Variants in DAB1 observed in about 807,000 individuals in gnomAD.
The protein encoded by DAB1 is disabled homolog 1.
In DAB1, 15 loss-of-function variants were observed where a neutral mutation model predicts 64.6. The ratio of observed to expected loss-of-function variants is 0.23; its 90% CI spans 0.16 to 0.36. The LOEUF (loss-of-function observed/expected upper bound fraction) is 0.36, where lower values mean the gene tolerates loss of function less well. Ranked by LOEUF, DAB1 falls within the 10% of genes least tolerant of loss-of-function variation. DAB1 has a pLI of 1.00. For missense variants in DAB1, 596 were observed against 706.7 expected, an observed-to-expected ratio of 0.84 and a Z score of 1.78; for synonymous variants, 235 against 251.9, an observed-to-expected ratio of 0.93 and a Z score of 0.64.
intron 2 of DAB1, among the ~76,000 whole-genome samples, chr1:57,216,804 G>A (rs1569927234): frequency 6.6e-6 from 1 of 152,238 alleles, no homozygotes; most frequent in East Asian, 1.9e-4. Context: ...ACAGAACTTG[G>A]AAGCAGCAAG....
chr1:58,325,647 T>C (rs1189608638), intron 4 of DAB1, among the ~76,000 whole-genome samples: 1 of 152,090 alleles, frequency 6.6e-6, no homozygotes, highest in Non-Finnish European at 1.5e-5. Context: ...ATAATAACAA[T>C]ATTATTACCA....
intron 4 of DAB1, among the ~76,000 whole-genome samples, chr1:57,130,114 A>C (rs1475533039): frequency 6.6e-6 from 1 of 151,818 alleles, no homozygotes; most frequent in Non-Finnish European, 1.5e-5. Flanking sequence ...GGATACAGCA[A>C]GCAGAAGATG....
intron 5 of DAB1, among the ~76,000 whole-genome samples, chr1:58,119,047 C>A (rs1307071748): frequency 6.6e-6 from 1 of 152,128 alleles, no homozygotes; most frequent in African/African-American, 2.4e-5. Flanking sequence ...ACCTTTTATA[C>A]ACTTGTGCAG....
At chr1:57,627,357 A>T (rs74077735) in intron 7 of DAB1, among the ~76,000 whole-genome samples, 3,249 of 152,152 alleles carry the variant, frequency 0.021, 113 homozygotes, top group African/African-American at 0.075. Flanking sequence ...TGTATAATAA[A>T]TCTCTTCCTA....
At chr1:57,464,870 A>G (rs1686903957) in intron 7 of DAB1, among the ~76,000 whole-genome samples, 1 of 150,428 alleles carries the variant, frequency 6.6e-6, no homozygotes, top group African/African-American at 2.5e-5. Flanking sequence ...GACAAGATAC[A>G]CATCAAGTTT....
Position 58,537,859 on chromosome 1 carries a change from A to C in DAB1, n.32+8844T>G, listed in dbSNP as rs562427819. On this transcript the variant is annotated intron_variant and non_coding_transcript_variant, in intron 1 of 20. Transcript: ENST00000485760. The stretch of plus-strand genomic sequence containing the variant: ...GTATGAAAGACATATTCTAAATGAA[A>C]AATTTTAGGTGATCAACAATAGTAA... 3.9e-5 allele frequency among the ~76,000 whole-genome samples: 6 copies of C among 152,328 alleles called. No individual in the cohort carries two copies. The South Asian group carries it at 1.0e-3, about 26-fold the overall frequency.
At chr1:57,161,884 T>G (rs140879308) in intron 2 of DAB1, among the ~76,000 whole-genome samples, 3 of 151,998 alleles carry the variant, frequency 2.0e-5, no homozygotes, top group African/African-American at 7.2e-5. Flanking sequence ...TATAAATCTG[T>G]GTCTTGCTTT....
chr1:57,306,539 A>G (rs913388063), intron 1 of DAB1, among the ~76,000 whole-genome samples: 1 of 124,280 alleles, frequency 8.0e-6, no homozygotes, highest in Non-Finnish European at 1.6e-5. Context: ...TTTTTTTTAC[A>G]CACATCTTAT....
intron 8 of DAB1, among the ~76,000 whole-genome samples, chr1:57,065,404 G>A (rs192890776): frequency 1.2e-3 from 179 of 152,264 alleles, no homozygotes; most frequent in African/African-American, 4.1e-3. Context: ...TTGTCTTATT[G>A]GGGGAGATGG....
At chr1:58,389,597 C>T (rs1644460462) in intron 3 of DAB1, among the ~76,000 whole-genome samples, 1 of 152,216 alleles carries the variant, frequency 6.6e-6, no homozygotes, top group Non-Finnish European at 1.5e-5. Flanking sequence ...TAGATTATTT[C>T]ATCACTCTGA....
rs1304527417 is a variant in DAB1 at position 58,431,556 on chromosome 1, T to TG, written n.257+74503dup. On this transcript the variant is annotated intron_variant and non_coding_transcript_variant, in intron 3 of 20. Coordinates refer to the DAB1 transcript ENST00000485760. ...CTGGGCAATAGAGCGAGACTCCATC[T>TG]GGAAAAAAAAAAAAAAAAAAAAGGG... Among the ~76,000 whole-genome samples, 245 of 88,748 alleles carry TG rather than the reference T, an allele frequency of 2.8e-3. 2 individuals are homozygous for TG. Among genetic ancestry groups the TG allele is most frequent in the African/African-American group, 0.012 (233 of 19,148 alleles). 58.2% of individuals were successfully genotyped at this position (88,748 alleles called of 152,430 possible).
intron 5 of DAB1, among the ~76,000 whole-genome samples, chr1:58,096,876 G>C (rs1651016565): frequency 6.6e-6 from 1 of 152,226 alleles, no homozygotes; most frequent in African/African-American, 2.4e-5. Flanking sequence ...TGACTGGCCA[G>C]CCTTCTCACT....
chr1:57,893,311 TG>T (rs1211873965), intron 5 of DAB1, among the ~76,000 whole-genome samples: 1 of 152,174 alleles, frequency 6.6e-6, no homozygotes, highest in East Asian at 1.9e-4. Context: ...AGTCAGAGGC[TG>T]GCTTTATTTT....
At chr1:57,336,287 A>G (rs2100812525) in intron 1 of DAB1, among the ~76,000 whole-genome samples, 1 of 152,338 alleles carries the variant, frequency 6.6e-6, no homozygotes, top group South Asian at 2.1e-4. Context: ...CGACTAATCC[A>G]AGAAGAAATT....
intron 1 of DAB1, among the ~76,000 whole-genome samples, chr1:57,381,531 TTC>T (rs1348729912): frequency 2.0e-5 from 3 of 152,118 alleles, no homozygotes; most frequent in African/African-American, 7.2e-5. Flanking sequence ...GCTTGCTGTG[TTC>T]TCTCTCTTTT....
intron 1 of DAB1, among the ~76,000 whole-genome samples, chr1:57,337,947 A>C (rs1398186547): frequency 6.9e-5 from 8 of 115,440 alleles, no homozygotes; most frequent in Admixed American, 1.1e-4. Context: ...TCTCTTCCTC[A>C]CTCTCTTCTC....
chr1:58,243,580 G>C (rs1349883264), intron 4 of DAB1, among the ~76,000 whole-genome samples: 1 of 152,060 alleles, frequency 6.6e-6, no homozygotes, highest in Non-Finnish European at 1.5e-5. Flanking sequence ...AACAAGGGAA[G>C]AGCCTAAATG....
intron 3 of DAB1, among the ~76,000 whole-genome samples, chr1:58,433,965 GGGAGCTTC>G (rs1466291984): frequency 2.6e-5 from 4 of 152,092 alleles, no homozygotes; most frequent in African/African-American, 9.7e-5. Flanking sequence ...GCTCCCAGGT[GGGAGCTTC>G]TTGGAGTTCT....
intron 7 of DAB1, among the ~76,000 whole-genome samples, chr1:57,467,667 C>T (rs1299255816): frequency 6.6e-6 from 1 of 152,010 alleles, no homozygotes; most frequent in African/African-American, 2.4e-5. Flanking sequence ...GCTGTACATC[C>T]AGCACAGTGC....
Sources: allele counts gnomAD v4.1 joint callset (sites outside exome capture counted in the v4.1 genomes callset), GRCh38; gene constraint gnomAD v4.1.1; transcripts MANE v1.5; gene names NCBI Gene and HGNC (gene_info 2026-07-23, HGNC 2026-07-21).